Variants in LCK observed in about 807,000 individuals in gnomAD.
The protein encoded by LCK is tyrosine-protein kinase Lck.
A neutral mutation model predicts 64.6 loss-of-function variants in LCK; 14 were observed. The observed-to-expected ratio is 0.22, with a 90% confidence interval of 0.14 to 0.34. LCK has a LOEUF of 0.34. Ranked by LOEUF, LCK falls within the 10% of genes least tolerant of loss-of-function variation. The pLI, the probability that LCK is intolerant of heterozygous loss-of-function variation, is 1.00. For missense variants in LCK, 434 were observed against 668.1 expected (o/e 0.65, Z 3.86); for synonymous variants, 277 against 263.6 (o/e 1.05, Z -0.49).
chr1:32,280,094 T>C lies in LCK; in HGVS notation c.1211T>C (p.Ile404Thr). Residue 404 changes from isoleucine (I) to threonine (T), a missense_variant, in exon 12 of 13, where the codon ATT (isoleucine) becomes ACT (threonine). Transcript: ENST00000336890. ...YTAREGAKFP[I>T]KWTAPEAINY... ...TCCTCCTTAGGGGCCAAGTTTCCCA[T>C]TAAGTGGACAGCGCCAGAAGCCATT... The C allele has an allele frequency of 6.2e-7, 1 of 1,614,082 alleles. No homozygotes were observed.
intron 1 of LCK, among the ~76,000 whole-genome samples, chr1:32,267,433 G>A (rs748805284): frequency 5.9e-4 from 90 of 152,246 alleles, no homozygotes; most frequent in Admixed American, 2.7e-3. Flanking sequence ...CATGACTTCC[G>A]GTACCCATGG....
chr1:32,270,692 C>CT (rs34689678), intron 1 of LCK, among the ~76,000 whole-genome samples: 1,225 of 96,786 alleles, frequency 0.013, 112 homozygotes, highest in Non-Finnish European at 0.015. Context: ...CGTGCCCGGA[C>CT]TTTTTTTTTT....
chr1:32,270,639 C>T (rs569825930), intron 1 of LCK, among the ~76,000 whole-genome samples: 13 of 151,294 alleles, frequency 8.6e-5, no homozygotes, highest in Middle Eastern at 3.4e-3. Context: ...GTGATCCACC[C>T]GCCTCAGCCT....
chr1:32,265,976 G>A (rs1639897630), intron 1 of LCK, among the ~76,000 whole-genome samples: 1 of 152,134 alleles, frequency 6.6e-6, no homozygotes, highest in South Asian at 2.1e-4. Context: ...TTTTGAGACA[G>A]GGTGTTGCTC....
intron 9 of LCK, 190 bp from the exon 10 acceptor site, chr1:32,279,481 C>T: frequency 9.9e-7 from 1 of 1,012,512 alleles, no homozygotes; most frequent in Non-Finnish European, 1.4e-6. Context: ...ATGCTCTACC[C>T]TAGCCCCTCT....
intron 9 of LCK, among the ~76,000 whole-genome samples, chr1:32,279,255 T>G (rs2124366949): frequency 6.6e-6 from 1 of 152,188 alleles, no homozygotes; most frequent in African/African-American, 2.4e-5. Context: ...AAAGTAGAAT[T>G]TTTTTTAGCA....
chr1:32,276,479 G>C lies in LCK; in HGVS notation c.774G>C (p.Glu258Asp). ...GGCTGGGGGCTGGACAGTTCGGGGAGGTGTGGATGGGTGAGTGTGGCCTCC... is the reference window on the plus strand; with the variant it reads ...GGCTGGGGGCTGGACAGTTCGGGGACGTGTGGATGGGTGAGTGTGGCCTCC... The part of the protein sequence containing the change: ...VERLGAGQFG[E>D]VWMGYYNGHT... The change falls in exon 8 of 13, where the codon GAG becomes GAC. Residue 258 changes from glutamate to aspartate, a missense_variant. This residue lies in a region of LCK where 201 missense variants were observed against 376.9 expected (regional missense o/e 0.53). Coordinates refer to ENST00000336890, the MANE Select transcript of LCK (RefSeq NM_005356.5). The surrounding 1 kb of genome is among the most constrained non-coding windows in gnomAD (Gnocchi z 4.6). The C allele has an allele frequency of 6.2e-7, 1 of 1,608,686 alleles. No individual in the cohort carries two copies. Among genetic ancestry groups the C allele is most frequent in the Non-Finnish European group, 8.5e-7 (1 of 1,177,384 alleles).
intron 1 of LCK, among the ~76,000 whole-genome samples, chr1:32,264,562 A>G (rs2124324488): frequency 6.6e-6 from 1 of 152,162 alleles, no homozygotes; most frequent in Non-Finnish European, 1.5e-5. Flanking sequence ...TATTGGGACA[A>G]TCACTGAACC....
At position 32,275,032 on chromosome 1, in the gene LCK, A is replaced by G. The variant is rs2124352885; in HGVS notation, c.227A>G (p.His76Arg). Residue 76 changes from histidine (H) to arginine (R), a missense_variant, in exon 4 of 13, where the codon CAC (histidine) becomes CGC (arginine). Physicochemically the swap from His to Arg is conservative, Grantham distance 29. This residue lies in a region of LCK where 233 missense variants were observed against 291.2 expected (regional missense o/e 0.80). Coordinates refer to ENST00000336890, the MANE Select transcript of LCK (RefSeq NM_005356.5). This position sits in a 1 kb window ranked among gnomAD's most constrained non-coding sequence, Gnocchi z 6.9. ...GCTCTGCACAGCTATGAGCCCTCTCACGACGGAGATCTGGGCTTTGAGAAG... is the reference window on the plus strand; with the variant it reads ...GCTCTGCACAGCTATGAGCCCTCTCGCGACGGAGATCTGGGCTTTGAGAAG... The part of the protein sequence containing the change: ...VIALHSYEPS[H>R]DGDLGFEKGE... 2.5e-6 allele frequency: 4 copies of G among 1,614,106 alleles called. No homozygotes were observed. The East Asian group carries it at 8.9e-5, about 36-fold the overall frequency.
intron 1 of LCK, among the ~76,000 whole-genome samples, chr1:32,271,273 G>T (rs770192665): frequency 6.6e-6 from 1 of 152,016 alleles, no homozygotes; most frequent in Non-Finnish European, 1.5e-5. Flanking sequence ...AAAGTGCCGC[G>T]ATTACAGATG....
intron 1 of LCK, among the ~76,000 whole-genome samples, chr1:32,267,424 A>G (rs1211451673): frequency 6.6e-6 from 1 of 152,188 alleles, no homozygotes; most frequent in East Asian, 1.9e-4. Flanking sequence ...ACACCATGAC[A>G]TGACTTCCGG....
chr1:32,285,026 G>A (rs990017299), intron 12 of LCK, among the ~76,000 whole-genome samples: 1 of 150,306 alleles, frequency 6.7e-6, no homozygotes, highest in Admixed American at 6.7e-5. Context: ...ATAATCAGGT[G>A]GGCACGGTGG....
intron 1 of LCK, among the ~76,000 whole-genome samples, chr1:32,254,787 C>T (rs1359279574): frequency 2.0e-5 from 3 of 152,198 alleles, no homozygotes; most frequent in African/African-American, 4.8e-5. Flanking sequence ...GCTGGGATTA[C>T]AGGCATGAGC....
chr1:32,276,860 C>T lies in LCK; in HGVS notation c.964+74C>T, dbSNP rs948071684. The T allele has an allele frequency of 3.6e-6, 5 of 1,381,308 alleles. No homozygotes were observed. The South Asian group carries it at 4.4e-5, about 12-fold the overall frequency. 85.6% of individuals were successfully genotyped at this position (1,381,308 alleles called of 1,614,324 possible). Reference sequence around the variant, plus strand: ...TCCCTGCCAGAGGGTGGAAATACACCTTTTCTTCTGGCCCAAAGCTCAAGC... The same window carrying T: ...TCCCTGCCAGAGGGTGGAAATACACTTTTTCTTCTGGCCCAAAGCTCAAGC... On this transcript the variant is annotated intron_variant, in intron 9 of 12. Transcript: ENST00000336890. The surrounding 1 kb of genome is among the most constrained non-coding windows in gnomAD (Gnocchi z 4.6).
At chr1:32,280,427 CTCTTTTTTTCTTTT>C (rs1640417506) in intron 12 of LCK, among the ~76,000 whole-genome samples, 2 of 128,902 alleles carry the variant, frequency 1.6e-5, no homozygotes, top group South Asian at 2.6e-4. Flanking sequence ...TTTTCTTTTT[CTCTTTTTTTCTTTT>C]TCTTTTTTTT....
chr1:32,275,450 G>A lies in LCK; in HGVS notation c.377+31G>A. The A allele has an allele frequency of 4.4e-6, 7 of 1,608,362 alleles. No individual in the cohort carries two copies. Among genetic ancestry groups the A allele is most frequent in the Non-Finnish European group, 5.1e-6 (6 of 1,175,416 alleles). Reference sequence around the variant, plus strand: ...TGGGGACCCGTCGTGGGGGTGGGTAGGAGCAGATCTAGGGATCCTGGAGCA... The same window carrying A: ...TGGGGACCCGTCGTGGGGGTGGGTAAGAGCAGATCTAGGGATCCTGGAGCA... On this transcript the variant is annotated intron_variant, in intron 5 of 12. Transcript: ENST00000336890. This position sits in a 1 kb window ranked among gnomAD's most constrained non-coding sequence, Gnocchi z 6.9.
At chr1:32,255,806 T>TA (rs1242053218) in intron 1 of LCK, among the ~76,000 whole-genome samples, 10 of 149,800 alleles carry the variant, frequency 6.7e-5, no homozygotes, top group Admixed American at 2.0e-4. Flanking sequence ...ATTTATTTTT[T>TA]TTTTTTTTTT....
At chr1:32,281,270 C>CAA (rs780514570) in intron 12 of LCK, among the ~76,000 whole-genome samples, 3 of 92,298 alleles carry the variant, frequency 3.3e-5, no homozygotes, top group South Asian at 3.2e-4. Context: ...TCCATCTCTA[C>CAA]AAAAAAAAAA....
At chr1:32,277,926 A>G (rs1036019615) in intron 9 of LCK, among the ~76,000 whole-genome samples, 2 of 152,246 alleles carry the variant, frequency 1.3e-5, no homozygotes, top group African/African-American at 4.8e-5. Flanking sequence ...CTATAACTCC[A>G]GCACTTTGGG....
Sources: gnomAD v4.1 joint callset for allele counts (sites outside exome capture counted in the v4.1 genomes callset) on GRCh38, gnomAD v4.1.1 for gene constraint, gnomAD v4.1.1 regional missense constraint, Gnocchi (gnomAD v3.1) non-coding constraint, MANE v1.5 for transcripts, NCBI Gene and HGNC (gene_info 2026-07-23, HGNC 2026-07-21) for gene names.